Variants in SYTL5 observed in about 807,000 individuals in gnomAD.
SYTL5 encodes synaptotagmin-like protein 5.
Under a neutral mutation model 55.9 loss-of-function variants are expected in SYTL5, and 34 were observed. That is an observed-to-expected ratio of 0.61 (90% CI 0.46 to 0.81). The LOEUF (loss-of-function observed/expected upper bound fraction) is 0.81. Ranked by LOEUF, SYTL5 falls within the 30% of genes least tolerant of loss-of-function variation. The pLI is 0.00. For missense variants in SYTL5, 637 were observed against 546.7 expected (o/e 1.17, Z -1.65); for synonymous variants, 221 against 188.7 (o/e 1.17, Z -1.40).
At chrX:37,919,175 C>A in the SYTL5 span, among the ~76,000 whole-genome samples, 1 of 111,395 alleles carries the variant, frequency 9.0e-6, no homozygotes, top group Admixed American at 9.5e-5. Flanking sequence ...GACCCTTTGA[C>A]TACTCTACAC....
At chrX:38,054,088 C>A in intron 2 of SYTL5, 125 bp from the exon 3 acceptor site, 1 of 504,910 alleles carries the variant, frequency 2.0e-6, no homozygotes, top group Non-Finnish European at 3.3e-6. Context: ...GCATGGTGGT[C>A]CCCAGTTTAA....
At chrX:38,013,536 C>G (rs1210591051) in intron 1 of SYTL5, among the ~76,000 whole-genome samples, 1 of 111,657 alleles carries the variant, frequency 9.0e-6, no homozygotes, top group Non-Finnish European at 1.9e-5. Flanking sequence ...CAAGTGTTTT[C>G]TATGTAACCA....
At chrX:38,006,859 A>G (rs916669037) in intron 1 of SYTL5, among the ~76,000 whole-genome samples, 191 bp downstream of exon 1, 3 of 111,357 alleles carry the variant, frequency 2.7e-5, no homozygotes, top group Non-Finnish European at 5.7e-5. Context: ...ATTGGTAGCT[A>G]TGAGTTTAAT....
intron 3 of SYTL5, among the ~76,000 whole-genome samples, chrX:38,061,221 T>C (rs1347821450): frequency 8.9e-6 from 1 of 112,157 alleles, no homozygotes; most frequent in Non-Finnish European, 1.9e-5. Flanking sequence ...AGTATTTAAT[T>C]TGATATATCA....
chrX:38,071,250 A>G (rs1028841811), intron 3 of SYTL5, among the ~76,000 whole-genome samples: 1 of 111,721 alleles, frequency 9.0e-6, no homozygotes, highest in Non-Finnish European at 1.9e-5. Flanking sequence ...GAAGAGGATT[A>G]TAAGCATTTC....
At chrX:38,018,259 C>T (rs1267505347) in intron 1 of SYTL5, among the ~76,000 whole-genome samples, 1 of 111,170 alleles carries the variant, frequency 9.0e-6, no homozygotes, top group Non-Finnish European at 1.9e-5. Flanking sequence ...ACCTGGCCTG[C>T]CACACTCTGT....
chrX:37,977,774 A>T, the SYTL5 span, among the ~76,000 whole-genome samples: 9 of 109,257 alleles, frequency 8.2e-5, no homozygotes. Context: ...TTTCTTACTC[A>T]CATAATAAGG....
chrX:38,121,025 G>C (rs1032255411), intron 14 of SYTL5, among the ~76,000 whole-genome samples: 2 of 111,876 alleles, frequency 1.8e-5, no homozygotes, highest in Non-Finnish European at 3.8e-5. Context: ...ACAGGCATCT[G>C]TGTCTGAGGA....
the SYTL5 span, among the ~76,000 whole-genome samples, chrX:37,920,143 G>A: frequency 1.8e-5 from 2 of 111,581 alleles, no homozygotes; most frequent in African/African-American, 6.5e-5. Context: ...CAATCAGTAG[G>A]TTTAATATCC....
chrX:38,072,259 G>C (rs1602367115), intron 4 of SYTL5, 97 bp downstream of exon 4: 4 of 612,341 alleles, frequency 6.5e-6, no homozygotes, highest in Non-Finnish European at 1.0e-5. Flanking sequence ...GCATAAATGA[G>C]TTTCTTGAAT....
intron 12 of SYTL5, among the ~76,000 whole-genome samples, 176 bp downstream of exon 12, chrX:38,108,875 A>G (rs1034029320): frequency 8.9e-6 from 1 of 112,567 alleles, no homozygotes; most frequent in Non-Finnish European, 1.9e-5. Context: ...TTTGAGAAAA[A>G]GAAAACACTC....
the SYTL5 span, among the ~76,000 whole-genome samples, chrX:37,968,322 C>G: frequency 9.0e-6 from 1 of 111,611 alleles, no homozygotes; most frequent in East Asian, 2.8e-4. Context: ...CTTGTTTAAA[C>G]ATCTTACACC....
At chrX:38,034,233 T>G (rs995899177) in intron 2 of SYTL5, among the ~76,000 whole-genome samples, 5 of 112,175 alleles carry the variant, frequency 4.5e-5, no homozygotes, top group Non-Finnish European at 9.4e-5. Context: ...TGAGAACACT[T>G]AATTTGCTAA....
chrX:37,933,685 A>C, the SYTL5 span, among the ~76,000 whole-genome samples: 1 of 112,192 alleles, frequency 8.9e-6, no homozygotes. Context: ...AAAAACTTAA[A>C]TGGAATAACT....
the SYTL5 span, among the ~76,000 whole-genome samples, chrX:37,928,340 T>C: frequency 1.8e-5 from 2 of 111,978 alleles, no homozygotes; most frequent in Non-Finnish European, 3.8e-5. Flanking sequence ...GTCCCTTACC[T>C]AATACATACC....
At chrX:38,106,861 T>C (rs1313062223) in intron 11 of SYTL5, 90 bp downstream of exon 11, 2 of 771,041 alleles carry the variant, frequency 2.6e-6, no homozygotes, top group Non-Finnish European at 3.6e-6. Flanking sequence ...CTTAGCATTC[T>C]TCTTGATTCA....
intron 2 of SYTL5, among the ~76,000 whole-genome samples, chrX:38,043,655 A>ATG (rs1238012302): frequency 1.4e-4 from 9 of 62,667 alleles, no homozygotes; most frequent in South Asian, 9.9e-4. Flanking sequence ...TTATGTATGT[A>ATG]TGTATGTATA....
At chrX:38,094,771 G>A (rs1936884778) in intron 8 of SYTL5, among the ~76,000 whole-genome samples, 1 of 111,789 alleles carries the variant, frequency 8.9e-6, no homozygotes, top group East Asian at 2.8e-4. Context: ...CAGAGTTCAA[G>A]GAAATGGTAG....
Position 38,055,693 on chromosome X carries a change from G to A in SYTL5, c.329+1271G>A, listed in dbSNP as rs185876922. On this transcript the variant is annotated intron_variant, in intron 3 of 16. Coordinates refer to ENST00000297875, the MANE Select transcript of SYTL5 (RefSeq NM_138780.3). Reference sequence around the variant, plus strand: ...TCATCTTCTCTAAATGAGGACTACCGTTCTGTTGAAGACGCCTATATTCAG... The same window carrying A: ...TCATCTTCTCTAAATGAGGACTACCATTCTGTTGAAGACGCCTATATTCAG... 4.8e-4 allele frequency among the ~76,000 whole-genome samples: 54 copies of A among 112,197 alleles called. No individual in the cohort carries two copies. The East Asian group carries it at 9.8e-3, about 20-fold the overall frequency.
Sources: gnomAD v4.1 joint callset for allele counts (sites outside exome capture counted in the v4.1 genomes callset) on GRCh38, gnomAD v4.1.1 for gene constraint, MANE v1.5 for transcripts, NCBI Gene and HGNC (gene_info 2026-07-23, HGNC 2026-07-21) for gene names.